ATXN7L1: variants seen among roughly 807,000 people sequenced by gnomAD.
ATXN7L1 encodes ataxin 7 like 1, also known as ataxin-7-like protein 1.
A neutral mutation model predicts 70.8 loss-of-function variants in ATXN7L1; 15 were observed. The observed-to-expected ratio is 0.21, with a 90% confidence interval of 0.14 to 0.33. ATXN7L1 has a LOEUF of 0.33. Ranked by LOEUF, ATXN7L1 falls within the 10% of genes least tolerant of loss-of-function variation. ATXN7L1 has a pLI of 1.00. For synonymous variants in ATXN7L1, 440 were observed against 445.1 expected, an observed-to-expected ratio of 0.99 and a Z score of 0.14; for missense variants, 975 against 1,097.1, an observed-to-expected ratio of 0.89 and a Z score of 1.57.
chr7:105,852,906 C>T (rs79659843), intron 2 of ATXN7L1, among the ~76,000 whole-genome samples: 2 of 152,106 alleles, frequency 1.3e-5, no homozygotes, highest in African/African-American at 2.4e-5. Flanking sequence ...GCTACAACAT[C>T]GATTAACCTT....
chr7:105,779,100 A>C (rs1803177735), intron 3 of ATXN7L1, among the ~76,000 whole-genome samples: 1 of 152,238 alleles, frequency 6.6e-6, no homozygotes, highest in Admixed American at 6.5e-5. Context: ...TGAGACACAA[A>C]ACATATAACT....
At chr7:105,625,581 C>T (rs1292360194) in intron 7 of ATXN7L1, among the ~76,000 whole-genome samples, 2 of 152,162 alleles carry the variant, frequency 1.3e-5, no homozygotes, top group Admixed American at 1.3e-4. Flanking sequence ...CCCTTTTACG[C>T]ACTGTGGGGC....
At position 105,607,760 on chromosome 7, in the gene ATXN7L1, C is replaced by T. The variant is rs763569337; in HGVS notation, c.*92G>A. On this transcript the variant is annotated 3_prime_UTR_variant, in exon 12 of 12. Coordinates refer to ENST00000419735, the MANE Select transcript of ATXN7L1 (RefSeq NM_020725.2). Reference sequence around the variant, plus strand: ...GAGTGCACAGAAAACAGACTCTCCCCCCAGCCCACTCCCCTCCCTCCTCCT... The same window carrying T: ...GAGTGCACAGAAAACAGACTCTCCCTCCAGCCCACTCCCCTCCCTCCTCCT... 7 of 1,210,682 alleles carry T rather than the reference C, an allele frequency of 5.8e-6. No individual in the cohort carries two copies. The highest frequency in any genetic ancestry group is 8.3e-6 in the Non-Finnish European group (7 of 839,476). The allele number at this position is 1,210,682 out of a possible 1,614,324, so 75.0% of individuals were successfully genotyped here. A position where few individuals can be genotyped will look rare whatever the true frequency, so the allele number is the denominator to read the frequency against.
intron 4 of ATXN7L1, among the ~76,000 whole-genome samples, chr7:105,652,248 G>A (rs1029991038): frequency 2.0e-5 from 3 of 152,198 alleles, no homozygotes; most frequent in African/African-American, 7.2e-5. Flanking sequence ...GCGTTTTAAG[G>A]ATAACCCTAG....
At chr7:105,775,891 C>A (rs1436809828) in intron 3 of ATXN7L1, among the ~76,000 whole-genome samples, 1 of 152,126 alleles carries the variant, frequency 6.6e-6, no homozygotes, top group Admixed American at 6.5e-5. Flanking sequence ...GACCTCTTGG[C>A]GCTTTAATGT....
chr7:105,634,527 T>C (rs577857601), intron 7 of ATXN7L1, among the ~76,000 whole-genome samples: 2 of 152,276 alleles, frequency 1.3e-5, no homozygotes, highest in African/African-American at 4.8e-5. Flanking sequence ...AATTTTTTTT[T>C]CCCTTTTGGT....
At chr7:105,688,791 G>A (rs569202968) in intron 3 of ATXN7L1, among the ~76,000 whole-genome samples, 2 of 152,336 alleles carry the variant, frequency 1.3e-5, no homozygotes, top group Non-Finnish European at 2.9e-5. Context: ...TGAAGCTGAA[G>A]TAGTCTACAA....
At chr7:105,842,742 A>G (rs1311523085) in intron 2 of ATXN7L1, among the ~76,000 whole-genome samples, 1 of 152,226 alleles carries the variant, frequency 6.6e-6, no homozygotes, top group African/African-American at 2.4e-5. Context: ...CCATAACTGT[A>G]TGCCTAACCT....
chr7:105,613,562 G>A (rs759236919), intron 10 of ATXN7L1: 14 of 1,312,406 alleles, frequency 1.1e-5, no homozygotes, highest in Non-Finnish European at 1.2e-5. Flanking sequence ...GAATCTCTCT[G>A]TGCCTCAGTT....
chr7:105,722,389 C>CT (rs1795285634), intron 3 of ATXN7L1, among the ~76,000 whole-genome samples: 1 of 151,772 alleles, frequency 6.6e-6, no homozygotes, highest in Admixed American at 6.6e-5. Context: ...TGATGAAACT[C>CT]TGTCTGTACT....
chr7:105,861,395 G>A (rs554877780), intron 2 of ATXN7L1, among the ~76,000 whole-genome samples: 1 of 152,134 alleles, frequency 6.6e-6, no homozygotes, highest in Admixed American at 6.5e-5. Context: ...TAGGCTATGA[G>A]GCAGGCTAGC....
intron 9 of ATXN7L1, among the ~76,000 whole-genome samples, chr7:105,616,556 A>G (rs1197374578): frequency 6.6e-6 from 1 of 152,250 alleles, no homozygotes; most frequent in Non-Finnish European, 1.5e-5. Flanking sequence ...GAGATCCTGT[A>G]AGCACTCAGC....
At chr7:105,680,126 CTCAGAAGTATGAT>C (rs1478127138) in intron 3 of ATXN7L1, among the ~76,000 whole-genome samples, 7 of 151,118 alleles carry the variant, frequency 4.6e-5, no homozygotes, top group Non-Finnish European at 7.4e-5. Flanking sequence ...TATTCCAAGA[CTCAGAAGTATGAT>C]TTTCCTGGAG....
Position 105,615,936 on chromosome 7 carries a change from C to A in ATXN7L1, c.1518-1120G>T, listed in dbSNP as rs1324385739. On this transcript the variant is annotated intron_variant, in intron 9 of 11. Coordinates refer to ENST00000419735, the MANE Select transcript of ATXN7L1 (RefSeq NM_020725.2). Reference sequence around the variant, plus strand: ...AGTGACTCCTCCTTCCATCCTACAGCCTGGGGTGCTGCTGCTGCTACTCTG... The same window carrying A: ...AGTGACTCCTCCTTCCATCCTACAGACTGGGGTGCTGCTGCTGCTACTCTG... Among the ~76,000 whole-genome samples the A allele has an allele frequency of 4.6e-5, 7 of 152,254 alleles. 1 individual carries two copies. In the East Asian group the frequency reaches 1.4e-3, roughly 29 times the overall value.
At chr7:105,819,807 C>G in intron 2 of ATXN7L1, 1 of 645,564 alleles carries the variant, frequency 1.5e-6, no homozygotes, top group South Asian at 1.4e-5. Context: ...AGGTGTTTGA[C>G]GGCATCCCAC....
intron 4 of ATXN7L1, among the ~76,000 whole-genome samples, chr7:105,657,088 T>C (rs936788594): frequency 1.3e-5 from 2 of 152,094 alleles, no homozygotes; most frequent in African/African-American, 4.8e-5. Flanking sequence ...CCAGTATGGG[T>C]TGGCACTGCT....
intron 3 of ATXN7L1, among the ~76,000 whole-genome samples, chr7:105,768,966 C>A (rs759636668): frequency 2.0e-5 from 3 of 152,178 alleles, no homozygotes; most frequent in Admixed American, 1.3e-4. Context: ...CCTTTTCCCC[C>A]CCTGGGGTCT....
At chr7:105,727,746 G>GTGTATATATATATATATATA (rs1333693053) in intron 3 of ATXN7L1, among the ~76,000 whole-genome samples, 46 of 55,304 alleles carry the variant, frequency 8.3e-4, no homozygotes, top group East Asian at 2.8e-3. Flanking sequence ...GTGTATGTGT[G>GTGTATATATATATATATATA]TATATATATA....
chr7:105,609,928 C>T (rs377709153), intron 11 of ATXN7L1, among the ~76,000 whole-genome samples: 24 of 152,228 alleles, frequency 1.6e-4, no homozygotes, highest in Middle Eastern at 3.4e-3. Context: ...CGCACCACCA[C>T]GCCCGGTTAC....
Sources: allele counts gnomAD v4.1 joint callset (sites outside exome capture counted in the v4.1 genomes callset), GRCh38; gene constraint gnomAD v4.1.1; transcripts MANE v1.5; gene names NCBI Gene and HGNC (gene_info 2026-07-23, HGNC 2026-07-21).